Variants in RILPL1 observed in about 807,000 individuals in gnomAD.
RILPL1 encodes Rab interacting lysosomal protein like 1.
A neutral mutation model predicts 50.3 loss-of-function variants in RILPL1; 33 were observed. That is an observed-to-expected ratio of 0.66 (90% CI 0.50 to 0.88). The LOEUF is 0.88. RILPL1 is among the 40% of genes least tolerant of loss of function. The probability of loss-of-function intolerance (pLI) is 0.00; values close to 1 mark genes in which losing one functional copy is unlikely to be tolerated. For missense variants in RILPL1, 418 were observed against 542.5 expected, an observed-to-expected ratio of 0.77 and a Z score of 2.28; for synonymous variants, 205 against 228.6, an observed-to-expected ratio of 0.90 and a Z score of 0.93.
At chr12:123,523,438 T>C in intron 2 of RILPL1, 57 bp downstream of exon 2, 2 of 1,605,036 alleles carry the variant, frequency 1.2e-6, no homozygotes, top group Admixed American at 1.7e-5. Context: ...ATCGCTGATG[T>C]GGGCAATAAG....
At position 123,498,676 on chromosome 12, in the gene RILPL1, G is replaced by C. The variant is rs563612042; in HGVS notation, c.669C>G (p.Ile223Met). ...CTGCCTCCAGCTCCACCTTCTGTTCGATCAGGGCTTTCCCCTGGGCCTCCA... is the reference window on the plus strand; with the variant it reads ...CTGCCTCCAGCTCCACCTTCTGTTCCATCAGGGCTTTCCCCTGGGCCTCCA... ...TVVEAQGKAL[I>M]EQKVELEADL... Residue 223 changes from isoleucine (I) to methionine (M), a missense_variant, in exon 4 of 7, where the codon ATC (isoleucine) becomes ATG (methionine). Physicochemically the swap from Ile to Met is conservative, Grantham distance 10. Transcript: ENST00000376874. This position sits in a 1 kb window ranked among gnomAD's most constrained non-coding sequence, Gnocchi z 4.3. 2.5e-6 allele frequency: 4 copies of C among 1,613,620 alleles called. No homozygotes were observed. The highest frequency in any genetic ancestry group is 1.7e-5 in the Admixed American group (1 of 59,988).
intron 2 of RILPL1, among the ~76,000 whole-genome samples, chr12:123,515,736 C>T (rs987671406): frequency 2.6e-5 from 4 of 151,044 alleles, no homozygotes; most frequent in Admixed American, 2.6e-4. Flanking sequence ...AGGTGTGAGC[C>T]ACCGAGCCAA....
chr12:123,514,460 A>G (rs542417937), intron 2 of RILPL1: 3 of 151,748 alleles, frequency 2.0e-5, no homozygotes, highest in Admixed American at 2.0e-4. Flanking sequence ...TGAGAGTCTC[A>G]CTGTCACCCA....
At chr12:123,488,167 C>G (rs375203301) in intron 4 of RILPL1, among the ~76,000 whole-genome samples, 1 of 152,002 alleles carries the variant, frequency 6.6e-6, no homozygotes, top group African/African-American at 2.4e-5. Context: ...GGCCCGGCAC[C>G]GTGGCTCACA....
rs745650070 is a variant in RILPL1 at position 123,472,713 on chromosome 12, G to A, written c.1068-31C>T. 5.1e-6 allele frequency: 8 copies of A among 1,583,144 alleles called. No homozygotes were observed. In the South Asian group the frequency reaches 9.3e-5, roughly 18 times the overall value. On this transcript the variant is annotated intron_variant, in intron 6 of 6. Transcript: ENST00000376874. ...GAAGGGAAAGCAAACACAGAAATGAGAGCTGACCCTTTGCTGTGCAAGTCA... is the reference window on the plus strand; with the variant it reads ...GAAGGGAAAGCAAACACAGAAATGAAAGCTGACCCTTTGCTGTGCAAGTCA...
At position 123,533,135 on chromosome 12, in the gene RILPL1, T is replaced by A; in HGVS notation, c.309+39A>T. ...CGGAAGAGCCCTTGGGTCCCCGCGG[T>A]CCCACTGCCCGGACGGACAGACCGA... On this transcript the variant is annotated intron_variant, in intron 1 of 6. Coordinates refer to ENST00000376874, the MANE Select transcript of RILPL1 (RefSeq NM_178314.5). This position sits in a 1 kb window ranked among gnomAD's most constrained non-coding sequence, Gnocchi z 6.2. 3 of 1,491,154 alleles carry A rather than the reference T, an allele frequency of 2.0e-6. No homozygotes were observed. The highest frequency in any genetic ancestry group is 2.7e-6 in the Non-Finnish European group (3 of 1,119,256). 92.4% of individuals were successfully genotyped at this position (1,491,154 alleles called of 1,614,324 possible).
At position 123,498,100 on chromosome 12, in the gene RILPL1, G is replaced by A. The variant is rs1423354416; in HGVS notation, c.801+444C>T. ...ATGAATGAATAAATAAATGGCAGGT[G>A]CCTAATAACCATCACTGAGATGGGA... is the stretch of plus-strand genomic sequence containing the variant. On this transcript the variant is annotated intron_variant, in intron 4 of 6. Coordinates refer to ENST00000376874, the MANE Select transcript of RILPL1 (RefSeq NM_178314.5). The surrounding 1 kb of genome is among the most constrained non-coding windows in gnomAD (Gnocchi z 4.3). Among the ~76,000 whole-genome samples the A allele has an allele frequency of 2.0e-5, 3 of 152,210 alleles. No homozygotes were observed. Among genetic ancestry groups the A allele is most frequent in the South Asian group, 2.1e-4 (1 of 4,834 alleles).
Position 123,523,541 on chromosome 12 carries a change from G to C in RILPL1, c.414C>G (p.Ser138=). Residue 138 remains serine (S), a synonymous_variant, in exon 2 of 7, where the codon TCC becomes TCG. Transcript: ENST00000376874. ...CCTCTGAGAAATTGACATCCTTGTG[G>C]GAGAGGTTGGTCATGAGCTGCTTGT... is the stretch of plus-strand genomic sequence containing the variant. The part of the protein sequence containing the change: ...EENKQLMTNL[S]HKDVNFSEEE... The C allele has an allele frequency of 6.2e-7, 1 of 1,613,862 alleles. No individual in the cohort carries two copies. The highest frequency in any genetic ancestry group is 1.6e-4 in the Middle Eastern group (1 of 6,062).
chr12:123,494,896 C>T (rs532995490), intron 4 of RILPL1, among the ~76,000 whole-genome samples: 119 of 152,300 alleles, frequency 7.8e-4, no homozygotes, highest in Non-Finnish European at 1.3e-3. Flanking sequence ...TCCCTGGGTG[C>T]CGACTCCCCA....
At chr12:123,502,126 G>A (rs1009914927) in intron 2 of RILPL1, among the ~76,000 whole-genome samples, 1 of 151,758 alleles carries the variant, frequency 6.6e-6, no homozygotes, top group Non-Finnish European at 1.5e-5. Context: ...GGAGTAGAGC[G>A]TTGCAATGGG....
At chr12:123,512,047 TGA>T (rs1884319213) in intron 2 of RILPL1, among the ~76,000 whole-genome samples, 1 of 135,838 alleles carries the variant, frequency 7.4e-6, no homozygotes, top group Non-Finnish European at 1.6e-5. Context: ...TTTGTGTGTG[TGA>T]GGTCTGTGTG....
rs931625295 is a variant in RILPL1 at position 123,513,442 on chromosome 12, T to C, written c.460+10053A>G. 1.4e-5 allele frequency: 4 copies of C among 278,492 alleles called. 1 individual carries two copies. The highest frequency in any genetic ancestry group is 7.8e-5 in the South Asian group (3 of 38,244). The allele number at this position is 278,492 out of a possible 1,614,324, so 17.3% of individuals were successfully genotyped here. ...GAGGAGAGAGGGGCGGCTGGGTCTA[T>C]GTGGAAGCCCAGCAGCCTCATCACC... is the stretch of plus-strand genomic sequence containing the variant. On this transcript the variant is annotated intron_variant, in intron 2 of 6. Coordinates refer to ENST00000376874, the MANE Select transcript of RILPL1 (RefSeq NM_178314.5).
At chr12:123,478,697 C>T (rs542687168) in intron 6 of RILPL1, among the ~76,000 whole-genome samples, 2 of 152,296 alleles carry the variant, frequency 1.3e-5, no homozygotes, top group African/African-American at 4.8e-5. Flanking sequence ...TTCTCATCCC[C>T]TGCTTCCCCG....
rs1882667428 is a variant in RILPL1 at position 123,491,164 on chromosome 12, G to A, written c.802-5359C>T. Among the ~76,000 whole-genome samples the A allele has an allele frequency of 6.6e-6, 1 of 152,204 alleles. No homozygotes were observed. The highest frequency in any genetic ancestry group is 1.5e-5 in the Non-Finnish European group (1 of 68,034). On this transcript the variant is annotated intron_variant, in intron 4 of 6. Coordinates refer to ENST00000376874, the MANE Select transcript of RILPL1 (RefSeq NM_178314.5). The surrounding 1 kb of genome is among the most constrained non-coding windows in gnomAD (Gnocchi z 4.0). ...GCCACGGGCAGCCCAGGACTATCCG[G>A]TTCAGACTGGGAGGGACCAAGGAGG...
intron 2 of RILPL1, among the ~76,000 whole-genome samples, chr12:123,505,613 C>T (rs571508209): frequency 7.2e-5 from 11 of 152,030 alleles, no homozygotes; most frequent in African/African-American, 1.2e-4. Flanking sequence ...CCACTGTGCC[C>T]GGCCATCGAG....
chr12:123,511,745 A>G (rs1360810954), intron 2 of RILPL1, among the ~76,000 whole-genome samples: 3 of 51,340 alleles, frequency 5.8e-5, no homozygotes, highest in African/African-American at 1.7e-4. Context: ...GGTGTGTGTG[A>G]GGTCTGTGTG....
Position 123,482,436 on chromosome 12 carries a change from G to A in RILPL1, c.1067+1744C>T, listed in dbSNP as rs143639943. Among the ~76,000 whole-genome samples the A allele has an allele frequency of 8.2e-3, 1,243 of 152,008 alleles. 21 individuals carry two copies. Among genetic ancestry groups the A allele is most frequent in the African/African-American group, 0.027 (1,134 of 41,442 alleles). ...CAGCCTGTACTCTCTAGCAATATCC[G>A]GCTAATTTTAAATTTTTTTGTAGAG... On this transcript the variant is annotated intron_variant, in intron 6 of 6. Coordinates refer to ENST00000376874, the MANE Select transcript of RILPL1 (RefSeq NM_178314.5).
At chr12:123,505,749 G>A (rs1883709377) in intron 2 of RILPL1, among the ~76,000 whole-genome samples, 1 of 152,128 alleles carries the variant, frequency 6.6e-6, no homozygotes, top group African/African-American at 2.4e-5. Flanking sequence ...CAGCCTCTGA[G>A]TAGCTGGGAC....
chr12:123,474,769 A>T (rs1317261073), intron 6 of RILPL1: 1 of 152,246 alleles, frequency 6.6e-6, no homozygotes, highest in Non-Finnish European at 1.5e-5. Flanking sequence ...AATAGGAACA[A>T]AGCCACTGCG....
Sources: allele counts gnomAD v4.1 joint callset (sites outside exome capture counted in the v4.1 genomes callset), GRCh38; gene constraint gnomAD v4.1.1; non-coding constraint Gnocchi (gnomAD v3.1); transcripts MANE v1.5; gene names NCBI Gene and HGNC (gene_info 2026-07-23, HGNC 2026-07-21).